OR51M1: variants seen among roughly 807,000 people sequenced by gnomAD.
OR51M1 encodes olfactory receptor 51M1.
For missense variants in OR51M1, 509 were observed against 404.4 expected (o/e 1.26, Z -2.22); for synonymous variants, 199 against 155.1 (o/e 1.28, Z -2.10).
At chr11:5,386,513 G>A (rs1849698229) in intron 2 of OR51M1, among the ~76,000 whole-genome samples, 1 of 152,150 alleles carries the variant, frequency 6.6e-6, no homozygotes. Context: ...AATCATGTAT[G>A]GCCTCAATAA....
Position 5,389,789 on chromosome 11 carries a change from T to C in OR51M1, c.391T>C (p.Ser131Pro). Residue 131 changes from serine (S) to proline (P), a missense_variant, in exon 3 of 3, where the codon TCC becomes CCC. Physicochemically the swap from Ser to Pro is moderately conservative, Grantham distance 74. Transcript: ENST00000642046. ...GGAGTCCTCAGTGCTCCTCATGATG[T>C]CCTTTGACCGCCTTGTGGCCATCTG... ...FMESSVLLMMSFDRLVAICHP... is the reference protein window; with the variant it reads ...FMESSVLLMMPFDRLVAICHP... The C allele has an allele frequency of 6.2e-7, 1 of 1,614,016 alleles. No individual in the cohort carries two copies. The highest frequency in any genetic ancestry group is 8.5e-7 in the Non-Finnish European group (1 of 1,179,906).
rs1172745338 is a variant in OR51M1, at chr11:5,383,911, C to A, written c.-128C>A. 1.3e-5 allele frequency: 2 copies of A among 152,156 alleles called. No homozygotes were observed. Among genetic ancestry groups the A allele is most frequent in the Non-Finnish European group, 1.5e-5 (1 of 68,084 alleles). 9.4% of individuals were successfully genotyped at this position (152,156 alleles called of 1,614,324 possible). A position where few individuals can be genotyped will look rare whatever the true frequency, so the allele number is the denominator to read the frequency against. On this transcript the variant is annotated 5_prime_UTR_variant, in exon 1 of 3. Transcript: ENST00000642046. The stretch of plus-strand genomic sequence containing the variant: ...CATTGGCTTCACATTTTTGTTATTA[C>A]CTGCTGGTGAGTCTCACTACTGTCT...
Position 5,389,452 on chromosome 11 carries a change from T to A in OR51M1, c.54T>A (p.Thr18=). The part of the protein sequence containing the change: ...SPQFMLLSNI[T]QFSPIFYLTS... ...AATTCATGCTGCTATCCAACATTACTCAGTTTAGCCCCATATTCTATCTCA... is the reference window on the plus strand; with the variant it reads ...AATTCATGCTGCTATCCAACATTACACAGTTTAGCCCCATATTCTATCTCA... Residue 18 remains threonine, a synonymous_variant, in exon 3 of 3, where the codon ACT becomes ACA. Coordinates refer to ENST00000642046, the MANE Select transcript of OR51M1 (RefSeq NM_001004756.3). The A allele has an allele frequency of 6.2e-7, 1 of 1,613,882 alleles. No individual in the cohort carries two copies. The highest frequency in any genetic ancestry group is 1.1e-5 in the South Asian group (1 of 91,078).
At chr11:5,386,838 AT>A (rs1849702337) in intron 2 of OR51M1, among the ~76,000 whole-genome samples, 1 of 123,648 alleles carries the variant, frequency 8.1e-6, no homozygotes, top group Non-Finnish European at 1.8e-5. Flanking sequence ...TGAGTAGAGC[AT>A]CAGCTCAAAA....
At chr11:5,385,553 G>C (rs942168884) in intron 2 of OR51M1, 95 bp downstream of exon 2, 1 of 151,902 alleles carries the variant, frequency 6.6e-6, no homozygotes, top group African/African-American at 2.4e-5. Context: ...CAGGCTCCAG[G>C]GGCCTTTAGA....
chr11:5,388,843 G>A (rs1245068139), intron 2 of OR51M1, among the ~76,000 whole-genome samples: 1 of 151,962 alleles, frequency 6.6e-6, no homozygotes, highest in African/African-American at 2.4e-5. Context: ...ACAGACTTGA[G>A]GTATTCAGTA....
intron 2 of OR51M1, among the ~76,000 whole-genome samples, chr11:5,388,838 C>G (rs1589969134): frequency 6.6e-6 from 1 of 151,884 alleles, no homozygotes; most frequent in African/African-American, 2.4e-5. Context: ...AGTAAACAGA[C>G]TTGAGGTATT....
In OR51M1 at chr11:5,389,388, A is replaced by T. The variant is rs758006046; in HGVS notation, c.-11A>T. On this transcript the variant is annotated 5_prime_UTR_variant, in exon 3 of 3. Coordinates refer to ENST00000642046, the MANE Select transcript of OR51M1 (RefSeq NM_001004756.3). ...GAAATATCCATTTATTTTCAGCTCA[A>T]TCCCCGAGGAATGTCAGTCCAATAT... 48 of 1,608,736 alleles carry T rather than the reference A, an allele frequency of 3.0e-5. No homozygotes were observed. The highest frequency in any genetic ancestry group is 4.0e-5 in the African/African-American group (3 of 74,780).
At chr11:5,389,291 C>T (rs1849751562) in intron 2 of OR51M1, 93 bp from the exon 3 acceptor site, 2 of 1,073,934 alleles carry the variant, frequency 1.9e-6, no homozygotes, top group Non-Finnish European at 1.4e-6. Flanking sequence ...GTAGATAATA[C>T]TAAAGGTGAT....
chr11:5,390,620 G>T lies in OR51M1; in HGVS notation c.*241G>T. On this transcript the variant is annotated 3_prime_UTR_variant, in exon 3 of 3. Transcript: ENST00000642046. ...TTGGTAGCATCAAAGCTATCCAGAA[G>T]GCAACTTTATTGAAGGTCATCATCA... 1 of 446,752 alleles carries T rather than the reference G, an allele frequency of 2.2e-6. No individual in the cohort carries two copies. The allele number at this position is 446,752 out of a possible 1,614,324, so 27.7% of individuals were successfully genotyped here.
At position 5,392,543 on chromosome 11, in the gene OR51M1, C is replaced by G. The variant is rs887549343; in HGVS notation, c.*2164C>G. The G allele has an allele frequency of 1.1e-4, 17 of 152,226 alleles. No individual in the cohort carries two copies. Among genetic ancestry groups the G allele is most frequent in the African/African-American group, 4.1e-4 (17 of 41,454 alleles). 9.4% of individuals were successfully genotyped at this position (152,226 alleles called of 1,614,324 possible). ...CAGGTAATAACATATTTGAAAACTT[C>G]TACCTTACTCAAATTTAAAATGCAA... On this transcript the variant is annotated 3_prime_UTR_variant, in exon 3 of 3. Transcript: ENST00000642046.
At chr11:5,388,511 C>T (rs1016186915) in intron 2 of OR51M1, among the ~76,000 whole-genome samples, 1 of 146,676 alleles carries the variant, frequency 6.8e-6, no homozygotes, top group South Asian at 2.3e-4. Flanking sequence ...GTTTTTATTC[C>T]AGGAAGAATG....
rs1849781787 is a variant in OR51M1, at chr11:5,390,644, C to G, written c.*265C>G. Reference sequence around the variant, plus strand: ...AGGCAACTTTATTGAAGGTCATCATCAATGTAACTAAAACTAAAATGAAAC... The same window carrying G: ...AGGCAACTTTATTGAAGGTCATCATGAATGTAACTAAAACTAAAATGAAAC... On this transcript the variant is annotated 3_prime_UTR_variant, in exon 3 of 3. Coordinates refer to ENST00000642046, the MANE Select transcript of OR51M1 (RefSeq NM_001004756.3). 2.5e-6 allele frequency: 1 copy of G among 399,172 alleles called. No homozygotes were observed. Among genetic ancestry groups the G allele is most frequent in the African/African-American group, 2.0e-5 (1 of 48,914 alleles). The allele number at this position is 399,172 out of a possible 1,614,324, so 24.7% of individuals were successfully genotyped here. A position where few individuals can be genotyped will look rare whatever the true frequency, so the allele number is the denominator to read the frequency against.
Position 5,389,962 on chromosome 11 carries a change from C to T in OR51M1, c.564C>T (p.His188=), listed in dbSNP as rs775685916. The change falls in exon 3 of 3, where the codon CAC becomes CAT. Residue 188 remains histidine (H), a synonymous_variant. Transcript: ENST00000642046. ...ACTGTGGATCTGTGGTCCTCTCCCA[C>T]TCATTTTGCCTGCACCAGGAAGTGA... ...FPYCGSVVLS[H]SFCLHQEVIQ... The T allele has an allele frequency of 3.1e-6, 5 of 1,611,864 alleles. No individual in the cohort carries two copies. The highest frequency in any genetic ancestry group is 8.5e-7 in the Non-Finnish European group (1 of 1,179,880).
intron 1 of OR51M1, among the ~76,000 whole-genome samples, chr11:5,384,381 C>T (rs1466706297): frequency 1.2e-3 from 184 of 152,276 alleles, no homozygotes; most frequent in African/African-American, 4.2e-3. Flanking sequence ...GTCTTAGAAA[C>T]CAGGGTTCTC....
rs1050413641 is a variant in OR51M1, at chr11:5,392,596, C to G, written c.*2217C>G. 2 of 152,196 alleles carry G rather than the reference C, an allele frequency of 1.3e-5. No individual in the cohort carries two copies. Among genetic ancestry groups the G allele is most frequent in the African/African-American group, 2.4e-5 (1 of 41,448 alleles). The allele number at this position is 152,196 out of a possible 1,614,324, so 9.4% of individuals were successfully genotyped here. On this transcript the variant is annotated 3_prime_UTR_variant, in exon 3 of 3. Transcript: ENST00000642046. ...TAACATATCTTAATTTGTTACTAAA[C>G]GAATATTGAAGAATAGAGTTAACAA...
chr11:5,385,823 A>T (rs1001516982), intron 2 of OR51M1, among the ~76,000 whole-genome samples: 1 of 148,918 alleles, frequency 6.7e-6, no homozygotes, highest in South Asian at 2.1e-4. Flanking sequence ...AAAGTATATA[A>T]AGAATATATA....
chr11:5,389,754 T>G lies in OR51M1; in HGVS notation c.356T>G (p.Phe119Cys). Residue 119 changes from phenylalanine (F) to cysteine (C), a missense_variant, in exon 3 of 3, where the codon TTT becomes TGT. Phe to Cys is a radical substitution (Grantham distance 205). Transcript: ENST00000642046. ...CQIQMFCIHS[F>C]SFMESSVLLM... ...ATCCAGATGTTCTGCATCCACTCTT[T>G]TTCCTTCATGGAGTCCTCAGTGCTC... 2.5e-6 allele frequency: 4 copies of G among 1,614,004 alleles called. 1 individual carries two copies. In the South Asian group the frequency reaches 4.4e-5, roughly 18 times the overall value.
chr11:5,389,326 G>A lies in OR51M1; in HGVS notation c.-15-58G>A, dbSNP rs541413352. ...TGATGACCATGGTACTGCTTGTGAT[G>A]TTGTGAATGTTAGTGAAGCTGAAGA... On this transcript the variant is annotated intron_variant, in intron 2 of 2. Coordinates refer to ENST00000642046, the MANE Select transcript of OR51M1 (RefSeq NM_001004756.3). The A allele has an allele frequency of 2.8e-5, 39 of 1,411,184 alleles. 1 individual carries two copies. The South Asian group carries it at 4.6e-4, about 17-fold the overall frequency. 87.4% of individuals were successfully genotyped at this position (1,411,184 alleles called of 1,614,324 possible). A position where few individuals can be genotyped will look rare whatever the true frequency, so the allele number is the denominator to read the frequency against.
Sources: gnomAD v4.1 joint callset for allele counts (sites outside exome capture counted in the v4.1 genomes callset) on GRCh38, gnomAD v4.1.1 for gene constraint, MANE v1.5 for transcripts, NCBI Gene and HGNC (gene_info 2026-07-23, HGNC 2026-07-21) for gene names.